Variants in MTF2 observed in about 807,000 individuals in gnomAD.
MTF2 encodes metal-response element-binding transcription factor 2.
In MTF2, 11 loss-of-function variants were observed where a neutral mutation model predicts 79.5. That is an observed-to-expected ratio of 0.14 (90% CI 0.09 to 0.23). The LOEUF (loss-of-function observed/expected upper bound fraction) is 0.23, where lower values mean the gene tolerates loss of function less well. Ranked by LOEUF, MTF2 falls within the 10% of genes least tolerant of loss-of-function variation. The pLI is 1.00. For missense variants in MTF2, 486 were observed against 711.2 expected, an observed-to-expected ratio of 0.68 and a Z score of 3.60; for synonymous variants, 208 against 232.8, an observed-to-expected ratio of 0.89 and a Z score of 0.97.
chr1:93,118,424 A>G lies in MTF2; in HGVS notation c.712A>G (p.Met238Val). ...TTGTGTGCAATGCCTTCAAAAGCCA[A>G]TGCTATTTGGAGACAGGTGAGAAGG... The part of the protein sequence containing the change: ...EACVQCLQKP[M>V]LFGDRFYTFI... Residue 238 changes from methionine (M) to valine (V), a missense_variant, in exon 7 of 15, where the codon ATG (methionine) becomes GTG (valine). Met to Val is a conservative substitution (Grantham distance 21, BLOSUM62 1). Coordinates refer to ENST00000370298, the MANE Select transcript of MTF2 (RefSeq NM_007358.4). 1 of 1,600,388 alleles carries G rather than the reference A, an allele frequency of 6.2e-7. No individual in the cohort carries two copies.
chr1:93,115,044 G>A lies in MTF2; in HGVS notation c.439G>A (p.Glu147Lys). The A allele has an allele frequency of 2.5e-6, 4 of 1,611,514 alleles. No homozygotes were observed. The highest frequency in any genetic ancestry group is 2.5e-6 in the Non-Finnish European group (3 of 1,178,148). ...TGATTCCAGTGTGATTGATTCAGAT[G>A]AAAAATGGCTCTGTCGGCAGTGTGT... The part of the protein sequence containing the change: ...HIDSSVIDSD[E>K]KWLCRQCVFA... The change falls in exon 5 of 15, where the codon GAA (glutamate) becomes AAA (lysine). Residue 147 changes from glutamate to lysine, a missense_variant. By Grantham distance (56) the Glu-to-Lys change is moderately conservative (BLOSUM62 1). This residue lies in a region of MTF2 where 177 missense variants were observed against 364.0 expected (regional missense o/e 0.49). Coordinates refer to ENST00000370298, the MANE Select transcript of MTF2 (RefSeq NM_007358.4).
chr1:93,092,773 T>G (rs1557542844), intron 1 of MTF2, among the ~76,000 whole-genome samples: 1 of 152,200 alleles, frequency 6.6e-6, no homozygotes, highest in Non-Finnish European at 1.5e-5. Flanking sequence ...TTCAGTATAG[T>G]TATATAAAAC....
chr1:93,102,984 T>G (rs1655609903), intron 1 of MTF2, among the ~76,000 whole-genome samples: 1 of 151,712 alleles, frequency 6.6e-6, no homozygotes, highest in African/African-American at 2.4e-5. Flanking sequence ...TGAAAAAAAT[T>G]AGCCGGGCAT....
intron 1 of MTF2, among the ~76,000 whole-genome samples, chr1:93,105,143 C>CAAAAAAA (rs11372021): frequency 9.1e-6 from 1 of 110,494 alleles, no homozygotes; most frequent in African/African-American, 3.6e-5. Context: ...GACTCCGTCT[C>CAAAAAAA]AAAAAAAAAA....
In MTF2 at chr1:93,121,562, C is replaced by A. The variant is rs946242963; in HGVS notation, c.921+890C>A. On this transcript the variant is annotated intron_variant, in intron 9 of 14. Coordinates refer to ENST00000370298, the MANE Select transcript of MTF2 (RefSeq NM_007358.4). The stretch of plus-strand genomic sequence containing the variant: ...TCCTATTTCATATCAAATAGGATAT[C>A]AAAGGGCTTTTTGGGGGTTTATGGG... 3.1e-5 allele frequency: 30 copies of A among 981,374 alleles called. No individual in the cohort carries two copies. In the African/African-American group the frequency reaches 5.3e-4, roughly 17 times the overall value. The allele number at this position is 981,374 out of a possible 1,614,324, so 60.8% of individuals were successfully genotyped here. A position where few individuals can be genotyped will look rare whatever the true frequency, so the allele number is the denominator to read the frequency against.
intron 1 of MTF2, among the ~76,000 whole-genome samples, chr1:93,106,910 T>G (rs1377577969): frequency 6.6e-6 from 1 of 152,228 alleles, no homozygotes; most frequent in African/African-American, 2.4e-5. Context: ...AGAAAGAGGA[T>G]TCTTACCCTC....
rs551374453 is a variant in MTF2 at position 93,080,275 on chromosome 1, G to A, written c.5+744G>A. ...TCATTTTTACAACTGAGGTAATTACGGCTCAAGGAATTTTAACCAATTTGC... is the reference window on the plus strand; with the variant it reads ...TCATTTTTACAACTGAGGTAATTACAGCTCAAGGAATTTTAACCAATTTGC... On this transcript the variant is annotated intron_variant, in intron 1 of 14. Coordinates refer to ENST00000370298, the MANE Select transcript of MTF2 (RefSeq NM_007358.4). Among the ~76,000 whole-genome samples the A allele has an allele frequency of 1.1e-3, 171 of 152,198 alleles. 1 individual carries two copies. The highest frequency in any genetic ancestry group is 3.5e-3 in the African/African-American group (147 of 41,508).
At position 93,137,787 on chromosome 1, in the gene MTF2, G is replaced by C. The variant is rs1364724051; in HGVS notation, c.*760G>C. The C allele has an allele frequency of 1.3e-5, 2 of 152,174 alleles. No individual in the cohort carries two copies. Among genetic ancestry groups the C allele is most frequent in the African/African-American group, 4.8e-5 (2 of 41,434 alleles). The allele number at this position is 152,174 out of a possible 1,614,324, so 9.4% of individuals were successfully genotyped here. Reference sequence around the variant, plus strand: ...TTTATTGGGTGCTGTTGCTTGCTATGTATGAAGAGAAATGTGTCAGACAAG... The same window carrying C: ...TTTATTGGGTGCTGTTGCTTGCTATCTATGAAGAGAAATGTGTCAGACAAG... On this transcript the variant is annotated 3_prime_UTR_variant, in exon 15 of 15. Transcript: ENST00000370298.
rs182486655 is a variant in MTF2 at position 93,107,721 on chromosome 1, G to A, written c.6-2509G>A. Among the ~76,000 whole-genome samples, 4 of 148,230 alleles carry A rather than the reference G, an allele frequency of 2.7e-5. No homozygotes were observed. The East Asian group carries it at 6.0e-4, about 22-fold the overall frequency. On this transcript the variant is annotated intron_variant, in intron 1 of 14. Transcript: ENST00000370298. ...GACCTTAATTACCATTTTTTTTTTC[G>A]TTTGTTCTTGTGAATTCAAGTTAGC...
chr1:93,094,766 G>A (rs1655213017), intron 1 of MTF2, among the ~76,000 whole-genome samples: 1 of 152,128 alleles, frequency 6.6e-6, no homozygotes, highest in Non-Finnish European at 1.5e-5. Flanking sequence ...TGTGCTCTTA[G>A]CAGCTACTGA....
rs550410446 is a variant in MTF2, at chr1:93,093,940, T to C, written c.5+14409T>C. ...TTATAAGGTTGATTTTCACCCAGAA[T>C]TTATTTTTCACTCAGATTTTTAAGT... is the stretch of plus-strand genomic sequence containing the variant. On this transcript the variant is annotated intron_variant, in intron 1 of 14. Transcript: ENST00000370298. 3.3e-5 allele frequency among the ~76,000 whole-genome samples: 5 copies of C among 152,332 alleles called. No individual in the cohort carries two copies. In the East Asian group the frequency reaches 5.8e-4, roughly 18 times the overall value.
chr1:93,088,897 T>G (rs1448700891), intron 1 of MTF2, among the ~76,000 whole-genome samples: 1 of 152,192 alleles, frequency 6.6e-6, no homozygotes, highest in Non-Finnish European at 1.5e-5. Flanking sequence ...AAAAAAATCT[T>G]AAGATCTGTA....
chr1:93,101,501 C>T (rs760281311), intron 1 of MTF2, among the ~76,000 whole-genome samples: 1 of 143,158 alleles, frequency 7.0e-6, no homozygotes, highest in African/African-American at 2.5e-5. Context: ...AGCTATGTGC[C>T]ATCACACTTG....
chr1:93,119,077 CTGTG>C (rs1450033475), intron 7 of MTF2, among the ~76,000 whole-genome samples: 1 of 152,216 alleles, frequency 6.6e-6, no homozygotes, highest in Non-Finnish European at 1.5e-5. Flanking sequence ...ACGTGTGAGT[CTGTG>C]TGTGAACTTT....
In MTF2 at chr1:93,138,089, A is replaced by G. The variant is rs991522486; in HGVS notation, c.*1062A>G. ...ATGTTTGAATAAGTGTAGTATGAACAAAGTATTTTATTGCACAGGGTTAAC... is the reference window on the plus strand; with the variant it reads ...ATGTTTGAATAAGTGTAGTATGAACGAAGTATTTTATTGCACAGGGTTAAC... On this transcript the variant is annotated 3_prime_UTR_variant, in exon 15 of 15. Transcript: ENST00000370298. 7 of 152,222 alleles carry G rather than the reference A, an allele frequency of 4.6e-5. 1 individual carries two copies. The highest frequency in any genetic ancestry group is 4.6e-4 in the Admixed American group (7 of 15,286). The allele number at this position is 152,222 out of a possible 1,614,324, so 9.4% of individuals were successfully genotyped here.
At chr1:93,117,463 G>A (rs1656292251) in intron 6 of MTF2, among the ~76,000 whole-genome samples, 1 of 152,130 alleles carries the variant, frequency 6.6e-6, no homozygotes, top group Admixed American at 6.5e-5. Context: ...TTCTCAAACA[G>A]ATCTATAGAC....
At chr1:93,093,517 T>G (rs1043365585) in intron 1 of MTF2, among the ~76,000 whole-genome samples, 1 of 152,130 alleles carries the variant, frequency 6.6e-6, no homozygotes, top group Admixed American at 6.6e-5. Flanking sequence ...TTTACCACCA[T>G]CCTGGGAATT....
At chr1:93,108,300 G>T (rs1655890063) in intron 1 of MTF2, among the ~76,000 whole-genome samples, 1 of 152,048 alleles carries the variant, frequency 6.6e-6, no homozygotes, top group Admixed American at 6.6e-5. Flanking sequence ...GTATGTACAT[G>T]TATTTGAATT....
At chr1:93,118,482 T>A in intron 7 of MTF2, 42 bp downstream of exon 7, 1 of 1,352,044 alleles carries the variant, frequency 7.4e-7, no homozygotes, top group Non-Finnish European at 1.0e-6. Flanking sequence ...TTTTTGTCAC[T>A]TTTTAATTGT....
Sources: allele counts gnomAD v4.1 joint callset (sites outside exome capture counted in the v4.1 genomes callset), GRCh38; gene constraint gnomAD v4.1.1; regional missense constraint gnomAD v4.1.1; transcripts MANE v1.5; gene names NCBI Gene and HGNC (gene_info 2026-07-23, HGNC 2026-07-21).